The following PMS2 variants were observed in gnomAD, a reference collection of about 807,000 sequenced individuals.
The protein encoded by PMS2 is PMS1 homolog 2, mismatch repair system component.
PMS2 carries 69 observed loss-of-function variants against 90.0 expected under a neutral mutation model. The ratio of observed to expected loss-of-function variants is 0.77; its 90% CI spans 0.63 to 0.94. The LOEUF (loss-of-function observed/expected upper bound fraction) is 0.94. PMS2 is among the 40% of genes least tolerant of loss of function. The probability of loss-of-function intolerance (pLI) is 0.00; values close to 1 mark genes in which losing one functional copy is unlikely to be tolerated. For missense variants in PMS2, 966 were observed against 1,040.2 expected, an observed-to-expected ratio of 0.93 and a Z score of 0.98; for synonymous variants, 332 against 375.1, an observed-to-expected ratio of 0.89 and a Z score of 1.33.
chr7:5,998,802 C>A (rs888967391), intron 6 of PMS2, among the ~76,000 whole-genome samples: 5 of 151,784 alleles, frequency 3.3e-5, no homozygotes, highest in Non-Finnish European at 7.4e-5. Flanking sequence ...CCAGCCTGGC[C>A]AACACGGTGA....
At chr7:5,979,228 CAT>C (rs1782071704) in intron 12 of PMS2, among the ~76,000 whole-genome samples, 1 of 137,198 alleles carries the variant, frequency 7.3e-6, no homozygotes, top group African/African-American at 2.8e-5. Flanking sequence ...AAAAAACACC[CAT>C]AAAAACAAAA....
At chr7:6,008,006 C>T (rs1562708111) in intron 1 of PMS2, among the ~76,000 whole-genome samples, 2 of 151,996 alleles carry the variant, frequency 1.3e-5, no homozygotes, top group Non-Finnish European at 1.5e-5. Context: ...ATTACAGGCT[C>T]CCGCCATCAT....
chr7:5,996,606 TATATATAC>T (rs1280014238), intron 7 of PMS2, among the ~76,000 whole-genome samples: 1,978 of 133,006 alleles, frequency 0.015, 48 homozygotes, highest in African/African-American at 0.054. Context: ...TATATATATA[TATATATAC>T]ACACAGATAG....
chr7:5,998,713 C>T (rs1218612681), intron 6 of PMS2, among the ~76,000 whole-genome samples: 4 of 146,206 alleles, frequency 2.7e-5, no homozygotes, highest in Middle Eastern at 7.6e-3. Flanking sequence ...AAAAACCGGC[C>T]GGGCTTGGTG....
At chr7:5,999,320 T>C (rs2128802951) in intron 5 of PMS2, 45 bp from the exon 6 acceptor site, 1 of 1,538,014 alleles carries the variant, frequency 6.5e-7, no homozygotes, top group Non-Finnish European at 9.0e-7. Flanking sequence ...ACTTTAATAT[T>C]ATAGGAATTA....
intron 2 of PMS2, among the ~76,000 whole-genome samples, chr7:6,004,940 C>T (rs372161513): frequency 2.0e-5 from 3 of 151,752 alleles, no homozygotes; most frequent in African/African-American, 4.8e-5. Flanking sequence ...GAGTTTTGCT[C>T]GTCACCCAGG....
At chr7:6,005,866 G>A (rs1785680924) in intron 2 of PMS2, 26 bp downstream of exon 2, 5 of 1,610,434 alleles carry the variant, frequency 3.1e-6, no homozygotes, top group Non-Finnish European at 4.2e-6. Flanking sequence ...ATCATTTCTT[G>A]TGGCTTAAAA....
chr7:5,978,114 C>G (rs1781907184), intron 13 of PMS2, among the ~76,000 whole-genome samples: 1 of 149,542 alleles, frequency 6.7e-6, no homozygotes, highest in Non-Finnish European at 1.5e-5. Context: ...GAGCAAGACT[C>G]CATCTCAGAA....
chr7:5,987,831 G>C (rs554049678), intron 10 of PMS2, among the ~76,000 whole-genome samples: 1 of 152,066 alleles, frequency 6.6e-6, no homozygotes, highest in Non-Finnish European at 1.5e-5. Context: ...AAGGCAGGGG[G>C]ATCACATGAG....
Position 5,987,486 on chromosome 7 carries a change from G to A in PMS2, c.1279C>T (p.Arg427Cys), listed in dbSNP as rs376042544. 2.1e-5 allele frequency: 34 copies of A among 1,613,976 alleles called. No individual in the cohort carries two copies. The African/African-American group carries it at 3.7e-4, about 18-fold the overall frequency. ...TGAGGCTTGTTCTCTGTTGTGTGAC[G>A]AAGAGAAAAGGCCTCTCGCAGTCTG... ...ISRLREAFSL[R>C]HTTENKPHSP... The change falls in exon 11 of 15, where the codon CGT (arginine) becomes TGT (cysteine). Residue 427 changes from arginine (R) to cysteine (C), a missense_variant. This residue lies in a region of PMS2 where 871 missense variants were observed against 802.4 expected (regional missense o/e 1.09). Coordinates refer to ENST00000265849, the MANE Select transcript of PMS2 (RefSeq NM_000535.7).
intron 8 of PMS2, among the ~76,000 whole-genome samples, chr7:5,992,955 T>C (rs1043991898): frequency 1.4e-4 from 22 of 152,162 alleles, no homozygotes; most frequent in African/African-American, 5.3e-4. Flanking sequence ...TCATTAGAAA[T>C]AAACCAAAAT....
chr7:5,996,391 T>C (rs2128780374), intron 7 of PMS2, among the ~76,000 whole-genome samples: 1 of 151,476 alleles, frequency 6.6e-6, no homozygotes, highest in Non-Finnish European at 1.5e-5. Context: ...CCGTCTCCAC[T>C]AAAAATACAA....
At chr7:5,993,054 T>C (rs1330507210) in intron 8 of PMS2, among the ~76,000 whole-genome samples, 1 of 152,198 alleles carries the variant, frequency 6.6e-6, no homozygotes, top group Admixed American at 6.6e-5. Context: ...TCTGGCAGAT[T>C]ACAAGCAAAC....
In PMS2 at chr7:5,996,612, T is replaced by C. The variant is rs1439898103; in HGVS notation, c.803+714A>G. Among the ~76,000 whole-genome samples the C allele has an allele frequency of 3.0e-4, 39 of 129,590 alleles. 1 individual carries two copies. Among genetic ancestry groups the C allele is most frequent in the East Asian group, 1.7e-3 (8 of 4,688 alleles). The allele number at this position is 129,590 out of a possible 152,430, so 85.0% of individuals were successfully genotyped here. A position where few individuals can be genotyped will look rare whatever the true frequency, so the allele number is the denominator to read the frequency against. On this transcript the variant is annotated intron_variant, in intron 7 of 14. Coordinates refer to ENST00000265849, the MANE Select transcript of PMS2 (RefSeq NM_000535.7). Reference sequence around the variant, plus strand: ...AAAAATATATATATATATATATATATACACACAGATAGATAGATATCTTTA... The same window carrying C: ...AAAAATATATATATATATATATATACACACACAGATAGATAGATATCTTTA...
intron 11 of PMS2, among the ~76,000 whole-genome samples, chr7:5,983,793 A>G (rs1782566474): frequency 6.6e-6 from 1 of 151,540 alleles, no homozygotes; most frequent in African/African-American, 2.4e-5. Flanking sequence ...CTGGGACTAC[A>G]GGCATGCACC....
At chr7:5,989,503 AT>A (rs1583332731) in intron 10 of PMS2, among the ~76,000 whole-genome samples, 1 of 152,042 alleles carries the variant, frequency 6.6e-6, no homozygotes, top group African/African-American at 2.4e-5. Flanking sequence ...TATATCTTAT[AT>A]GACTTCATCC....
intron 6 of PMS2, among the ~76,000 whole-genome samples, 178 bp from the exon 7 acceptor site, chr7:5,997,601 A>G (rs59790240): frequency 0.094 from 14,354 of 152,056 alleles, 724 homozygotes; most frequent in Admixed American, 0.11. Context: ...CTGGAGTACA[A>G]TGGCTCAATC....
At chr7:6,007,087 CATTATTATTATT>C (rs10592354) in intron 1 of PMS2, among the ~76,000 whole-genome samples, 1 of 147,430 alleles carries the variant, frequency 6.8e-6, no homozygotes, top group African/African-American at 2.5e-5. Flanking sequence ...AAGTCCCCTA[CATTATTATTATT>C]ATTATTATTA....
intron 8 of PMS2, among the ~76,000 whole-genome samples, chr7:5,994,636 C>A (rs1023305330): frequency 6.6e-6 from 1 of 151,444 alleles, no homozygotes; most frequent in Non-Finnish European, 1.5e-5. Flanking sequence ...ATTAACCAGG[C>A]GTGGTGGCAG....
Sources: gnomAD v4.1 joint callset for allele counts (sites outside exome capture counted in the v4.1 genomes callset) on GRCh38, gnomAD v4.1.1 for gene constraint, gnomAD v4.1.1 regional missense constraint, MANE v1.5 for transcripts, NCBI Gene and HGNC (gene_info 2026-07-23, HGNC 2026-07-21) for gene names.